The following AK2 variants were observed in gnomAD, a reference collection of about 807,000 sequenced individuals.
AK2 encodes the protein adenylate kinase 2.
AK2 carries 15 observed loss-of-function variants against 24.6 expected under a neutral mutation model. The observed-to-expected ratio is 0.61, with a 90% CI of 0.41 to 0.94. The LOEUF is 0.94. AK2 is among the 40% of genes least tolerant of loss of function. The pLI is 0.00. For synonymous variants in AK2, 102 were observed against 114.0 expected (o/e 0.90, Z 0.67); for missense variants, 257 against 304.1 (o/e 0.85, Z 1.15).
chr1:33,018,644 G>A (rs1286298427), intron 4 of AK2, among the ~76,000 whole-genome samples: 1 of 152,154 alleles, frequency 6.6e-6, no homozygotes, highest in African/African-American at 2.4e-5. Context: ...CTGTGAGGAA[G>A]TCACACTAAC....
At chr1:33,021,786 T>C (rs1197669999) in intron 2 of AK2, 83 bp from the exon 3 acceptor site, 1 of 1,072,528 alleles carries the variant, frequency 9.3e-7, no homozygotes, top group African/African-American at 1.6e-5. Context: ...AGCCAAAAGT[T>C]TGTGTATATA....
intron 2 of AK2, chr1:33,024,063 C>T (rs991232790): frequency 1.2e-4 from 32 of 274,774 alleles, no homozygotes; most frequent in Non-Finnish European, 2.0e-4. Flanking sequence ...CCTAGCTACT[C>T]GGGAGGCTGA....
In AK2 at chr1:33,011,469, G is replaced by A; in HGVS notation, c.*1712C>T. 1.6e-6 allele frequency: 2 copies of A among 1,287,398 alleles called. No individual in the cohort carries two copies. Among genetic ancestry groups the A allele is most frequent in the Non-Finnish European group, 2.0e-6 (2 of 988,796 alleles). The allele number at this position is 1,287,398 out of a possible 1,614,324, so 79.7% of individuals were successfully genotyped here. A position where few individuals can be genotyped will look rare whatever the true frequency, so the allele number is the denominator to read the frequency against. On this transcript the variant is annotated 3_prime_UTR_variant, in exon 6 of 6. Coordinates refer to ENST00000672715, the MANE Select transcript of AK2 (RefSeq NM_001625.4). ...TCACTTGGACCAGGCAAAGAGGGAA[G>A]CAAGGTGGCCAGGTACTCATGCCCA...
intron 1 of AK2, chr1:33,030,961 C>T (rs1360471580): frequency 1.3e-5 from 2 of 152,140 alleles, no homozygotes; most frequent in Non-Finnish European, 2.9e-5. Context: ...AATCTGTTCA[C>T]ATTGTAAAAT....
In AK2 at chr1:33,009,245, T is replaced by C; in HGVS notation, c.*3936A>G. On this transcript the variant is annotated 3_prime_UTR_variant, in exon 6 of 6. Transcript: ENST00000672715. ...AACAGTCATTTCTCAGAAACCTCAC[T>C]TGCAAAGGCAGCCCTTCCAAAAACA... 2.2e-6 allele frequency: 1 copy of C among 454,008 alleles called. No homozygotes were observed. 28.1% of individuals were successfully genotyped at this position (454,008 alleles called of 1,614,324 possible). A position where few individuals can be genotyped will look rare whatever the true frequency, so the allele number is the denominator to read the frequency against.
chr1:33,021,318 T>C (rs750016117), intron 4 of AK2, 49 bp downstream of exon 4: 5 of 1,514,698 alleles, frequency 3.3e-6, no homozygotes, highest in East Asian at 2.3e-5. Flanking sequence ...TTCTCAGAGT[T>C]TGAGAAAGCT....
At chr1:33,027,270 A>C (rs2124360425) in intron 1 of AK2, among the ~76,000 whole-genome samples, 1 of 152,314 alleles carries the variant, frequency 6.6e-6, no homozygotes, top group Non-Finnish European at 1.5e-5. Context: ...TAACCTGGGT[A>C]AACAATTTGG....
At chr1:33,017,631 T>TC (rs1204907357) in intron 4 of AK2, among the ~76,000 whole-genome samples, 2 of 152,162 alleles carry the variant, frequency 1.3e-5, no homozygotes, top group Non-Finnish European at 2.9e-5. Flanking sequence ...AACCCCACTC[T>TC]CCAAGTTCTC....
chr1:33,031,439 T>A, intron 1 of AK2: 2 of 365,628 alleles, frequency 5.5e-6, no homozygotes, highest in Non-Finnish European at 1.1e-5. Context: ...AGATGATACA[T>A]GTAAAATCTT....
intron 2 of AK2, among the ~76,000 whole-genome samples, chr1:33,023,022 T>G (rs941009161): frequency 2.6e-5 from 4 of 152,230 alleles, no homozygotes; most frequent in African/African-American, 4.8e-5. Flanking sequence ...AGGTATCATT[T>G]GATACAGCTA....
At chr1:33,028,296 G>C (rs1418172086) in intron 1 of AK2, among the ~76,000 whole-genome samples, 1 of 152,116 alleles carries the variant, frequency 6.6e-6, no homozygotes, top group African/African-American at 2.4e-5. Context: ...CTGAGGTCGG[G>C]AGTTCAAGAC....
In AK2 at chr1:33,012,146, A is replaced by G; in HGVS notation, c.*1035T>C. The G allele has an allele frequency of 1.3e-6, 2 of 1,535,478 alleles. No individual in the cohort carries two copies. Among genetic ancestry groups the G allele is most frequent in the South Asian group, 1.2e-5 (1 of 84,056 alleles). On this transcript the variant is annotated 3_prime_UTR_variant, in exon 6 of 6. Coordinates refer to ENST00000672715, the MANE Select transcript of AK2 (RefSeq NM_001625.4). ...GCCTGGATGTTCAGAAGACAATCTG[A>G]ATTCAAAAGGACCTTTCACCTGGTT...
At chr1:33,014,327 A>G in intron 5 of AK2, 195 bp downstream of exon 5, 2 of 512,296 alleles carry the variant, frequency 3.9e-6, no homozygotes, top group South Asian at 3.4e-5. Flanking sequence ...CTTGAGGCCA[A>G]GCAATAAACC....
At chr1:33,024,418 A>G in intron 2 of AK2, 24 bp downstream of exon 2, 4 of 1,613,098 alleles carry the variant, frequency 2.5e-6, no homozygotes, top group Non-Finnish European at 3.4e-6. Flanking sequence ...GAATATCAAC[A>G]CTCATTGGTA....
intron 2 of AK2, among the ~76,000 whole-genome samples, chr1:33,022,863 T>C (rs1456097197): frequency 2.0e-5 from 3 of 152,220 alleles, no homozygotes; most frequent in Non-Finnish European, 4.4e-5. Context: ...TAAGTGAAGG[T>C]TGGAGATAAG....
In AK2 at chr1:33,021,470, G is replaced by T. The variant is rs1293857710; in HGVS notation, c.331-9C>A. ...TCCATGAGGTCATCGAGCTGTAAAA[G>T]AATGTGTGGCCCACCTAAGCTACCA... On this transcript the variant is annotated splice_polypyrimidine_tract_variant and intron_variant, in intron 3 of 5. Coordinates refer to ENST00000672715, the MANE Select transcript of AK2 (RefSeq NM_001625.4). The T allele has an allele frequency of 6.2e-7, 1 of 1,613,786 alleles. No individual in the cohort carries two copies. Among genetic ancestry groups the T allele is most frequent in the East Asian group, 2.2e-5 (1 of 44,880 alleles).
At chr1:33,017,378 A>AT (rs1639256236) in intron 4 of AK2, among the ~76,000 whole-genome samples, 2 of 152,192 alleles carry the variant, frequency 1.3e-5, no homozygotes, top group South Asian at 4.1e-4. Flanking sequence ...TCATTCAGAA[A>AT]TGGCATCCAC....
At chr1:33,026,395 C>A (rs1639885722) in intron 1 of AK2, among the ~76,000 whole-genome samples, 1 of 152,174 alleles carries the variant, frequency 6.6e-6, no homozygotes, top group Non-Finnish European at 1.5e-5. Flanking sequence ...TTCTTAGGTG[C>A]ATGCTTAGGT....
intron 1 of AK2, chr1:33,031,223 T>A (rs1180713713): frequency 1.2e-5 from 2 of 161,842 alleles, no homozygotes; most frequent in African/African-American, 4.8e-5. Context: ...TTGTATGTAT[T>A]TTTCCATTCA....
Sources: gnomAD v4.1 joint callset for allele counts (sites outside exome capture counted in the v4.1 genomes callset) on GRCh38, gnomAD v4.1.1 for gene constraint, MANE v1.5 for transcripts, NCBI Gene and HGNC (gene_info 2026-07-23, HGNC 2026-07-21) for gene names.